Variants in GPR141 observed in about 807,000 individuals in gnomAD.
GPR141 encodes probable G protein-coupled receptor 141.
In GPR141, 6 loss-of-function variants were observed where a neutral mutation model predicts 6.8. The observed-to-expected ratio is 0.88, with a 90% CI of 0.48 to 1.74. The LOEUF (loss-of-function observed/expected upper bound fraction) is 1.74. GPR141 is among the 40% of genes most tolerant of loss of function. GPR141 has a pLI of 0.01. For synonymous variants in GPR141, 140 were observed against 142.3 expected, an observed-to-expected ratio of 0.98 and a Z score of 0.11; for missense variants, 372 against 372.9, an observed-to-expected ratio of 1.00 and a Z score of 0.02.
rs115676019 is a variant in GPR141, at chr7:37,723,690, C to T, written c.-14-16690C>T. Among the ~76,000 whole-genome samples, 328 of 152,312 alleles carry T rather than the reference C, an allele frequency of 2.2e-3. 2 individuals are homozygous for T. Among genetic ancestry groups the T allele is most frequent in the African/African-American group, 7.4e-3 (308 of 41,566 alleles). ...GCCTGTCTGAAGGCCTCGTCCCTTA[C>T]ATGTCCGTATAGACATGTTTCTCTG... On this transcript the variant is annotated intron_variant, in intron 2 of 2. Coordinates refer to ENST00000334425, the MANE Select transcript of GPR141 (RefSeq NM_001381946.1).
chr7:37,728,630 A>G (rs1157278487), intron 2 of GPR141, among the ~76,000 whole-genome samples: 1 of 152,074 alleles, frequency 6.6e-6, no homozygotes, highest in East Asian at 1.9e-4. Flanking sequence ...GCCATGGACA[A>G]TGACCACTGA....
intron 2 of GPR141, among the ~76,000 whole-genome samples, chr7:37,740,082 G>A (rs1812454767): frequency 6.6e-6 from 1 of 152,064 alleles, no homozygotes; most frequent in Non-Finnish European, 1.5e-5. Flanking sequence ...GCTCCAGATG[G>A]TCTGCAATCC....
intron 2 of GPR141, among the ~76,000 whole-genome samples, chr7:37,715,179 GGCATGATCACAGCGCACT>G (rs987388208): frequency 6.6e-6 from 1 of 152,138 alleles, no homozygotes; most frequent in African/African-American, 2.4e-5. Context: ...GGAGTGCAGT[GGCATGATCACAGCGCACT>G]GCAGCCTTGA....
rs1812666875 is a variant in GPR141 at position 37,743,434 on chromosome 7, C to T, written c.*2123C>T. ...CAAGTAATATTTCTTTTCTTTCTTGCCTTTTTTCCCATTTATTTTTTACAT... is the reference window on the plus strand; with the variant it reads ...CAAGTAATATTTCTTTTCTTTCTTGTCTTTTTTCCCATTTATTTTTTACAT... On this transcript the variant is annotated 3_prime_UTR_variant, in exon 3 of 3. Coordinates refer to ENST00000334425, the MANE Select transcript of GPR141 (RefSeq NM_001381946.1). Among the ~76,000 whole-genome samples the T allele has an allele frequency of 6.6e-6, 1 of 151,804 alleles. No individual in the cohort carries two copies. Among genetic ancestry groups the T allele is most frequent in the Non-Finnish European group, 1.5e-5 (1 of 67,900 alleles).
chr7:37,713,945 T>G (rs1810926804), intron 2 of GPR141, among the ~76,000 whole-genome samples: 1 of 152,216 alleles, frequency 6.6e-6, no homozygotes, highest in South Asian at 2.1e-4. Flanking sequence ...TTAAATACAT[T>G]GCTTAAGGAT....
At position 37,689,711 on chromosome 7, in the gene GPR141, C is replaced by CT. The variant is rs1323137399; in HGVS notation, c.-15+4137dup. Among the ~76,000 whole-genome samples the CT allele has an allele frequency of 1.9e-3, 292 of 151,306 alleles. 4 individuals are homozygous for CT. Among genetic ancestry groups the CT allele is most frequent in the African/African-American group, 6.4e-3 (265 of 41,236 alleles). The stretch of plus-strand genomic sequence containing the variant: ...TTGTTCATGGTAGTCTTCAGTGATC[C>CT]TTTTTTTTTAAAATTTCTGTGCTAT... On this transcript the variant is annotated intron_variant, in intron 2 of 2. Coordinates refer to ENST00000334425, the MANE Select transcript of GPR141 (RefSeq NM_001381946.1).
intron 2 of GPR141, among the ~76,000 whole-genome samples, chr7:37,732,565 G>A (rs1372675758): frequency 6.6e-6 from 1 of 152,118 alleles, no homozygotes; most frequent in Non-Finnish European, 1.5e-5. Context: ...CTGAGTTCAG[G>A]CAGACATAAA....
chr7:37,730,912 T>C (rs1055023825), intron 2 of GPR141, among the ~76,000 whole-genome samples: 3 of 152,244 alleles, frequency 2.0e-5, no homozygotes, highest in East Asian at 1.9e-4. Context: ...GAACTTTCCA[T>C]TTTGTGAAAA....
intron 2 of GPR141, among the ~76,000 whole-genome samples, chr7:37,718,748 G>A (rs555135290): frequency 1.3e-5 from 2 of 152,122 alleles, no homozygotes; most frequent in African/African-American, 2.4e-5. Flanking sequence ...TGATACTAGA[G>A]CCCTGTCTAC....
intron 2 of GPR141, chr7:37,713,610 T>C (rs1236938673): frequency 1.3e-5 from 2 of 152,264 alleles, no homozygotes; most frequent in East Asian, 3.8e-4. Flanking sequence ...GCTATACTTG[T>C]CTGCCTTGAA....
chr7:37,737,264 T>TA (rs1325459203), intron 2 of GPR141, among the ~76,000 whole-genome samples: 1 of 152,214 alleles, frequency 6.6e-6, no homozygotes, highest in Non-Finnish European at 1.5e-5. Context: ...ATGTCTTTCT[T>TA]AAAACCCATG....
chr7:37,742,593 G>A lies in GPR141; in HGVS notation c.*1282G>A, dbSNP rs1045839322. On this transcript the variant is annotated 3_prime_UTR_variant, in exon 3 of 3. Coordinates refer to ENST00000334425, the MANE Select transcript of GPR141 (RefSeq NM_001381946.1). ...AATGAAAACTGTGTTTTTAAAAGAG[G>A]ACTTTTGAGAAGTATATAGAAAAAC... Among the ~76,000 whole-genome samples, 1 of 152,072 alleles carries A rather than the reference G, an allele frequency of 6.6e-6. No homozygotes were observed. The highest frequency in any genetic ancestry group is 2.4e-5 in the African/African-American group (1 of 41,404).
intron 2 of GPR141, among the ~76,000 whole-genome samples, chr7:37,720,584 C>A (rs1360577634): frequency 6.6e-6 from 1 of 151,726 alleles, no homozygotes; most frequent in African/African-American, 2.4e-5. Context: ...TACTAAAATA[C>A]AAAAAAATTA....
intron 2 of GPR141, among the ~76,000 whole-genome samples, chr7:37,729,731 CTGTG>C (rs1423186711): frequency 6.6e-6 from 1 of 152,146 alleles, no homozygotes; most frequent in Middle Eastern, 3.2e-3. Context: ...ATGTGCAAGA[CTGTG>C]TGAGTGGGGG....
intron 2 of GPR141, among the ~76,000 whole-genome samples, chr7:37,688,293 A>T (rs908609640): frequency 6.6e-6 from 1 of 151,930 alleles, no homozygotes; most frequent in African/African-American, 2.4e-5. Context: ...TGGCTGGGGC[A>T]TGGTGGTACA....
At chr7:37,732,063 T>G (rs542353584) in intron 2 of GPR141, among the ~76,000 whole-genome samples, 1 of 147,124 alleles carries the variant, frequency 6.8e-6, no homozygotes, top group Non-Finnish European at 1.5e-5. Context: ...ATTTTATTTT[T>G]TTATTATACT....
intron 2 of GPR141, among the ~76,000 whole-genome samples, chr7:37,710,912 G>A (rs1231543983): frequency 1.3e-5 from 2 of 152,170 alleles, no homozygotes; most frequent in Non-Finnish European, 2.9e-5. Context: ...GTAACTGATA[G>A]TGTTTTAGGT....
chr7:37,717,919 G>C (rs1282634590), intron 2 of GPR141, among the ~76,000 whole-genome samples: 1 of 152,158 alleles, frequency 6.6e-6, no homozygotes, highest in African/African-American at 2.4e-5. Context: ...ATAATTGTGT[G>C]ATAAATGTAC....
intron 2 of GPR141, among the ~76,000 whole-genome samples, chr7:37,693,553 C>A (rs1208353365): frequency 6.6e-6 from 1 of 152,068 alleles, no homozygotes; most frequent in East Asian, 1.9e-4. Context: ...CAACTTGGGA[C>A]AAAGGGGATG....
Sources: allele counts gnomAD v4.1 joint callset (sites outside exome capture counted in the v4.1 genomes callset), GRCh38; gene constraint gnomAD v4.1.1; transcripts MANE v1.5; gene names NCBI Gene and HGNC (gene_info 2026-07-23, HGNC 2026-07-21).